The following ADCY9 variants were observed in gnomAD, a reference collection of about 807,000 sequenced individuals.
ADCY9 encodes adenylate cyclase 9, also known as adenylate cyclase type 9.
A neutral mutation model predicts 101.5 loss-of-function variants in ADCY9; 50 were observed. The ratio of observed to expected loss-of-function variants is 0.49; its 90% CI spans 0.39 to 0.62. The LOEUF is 0.62. Among genes scored for constraint, ADCY9 ranks in the 20% least tolerant of loss-of-function variants. ADCY9 has a pLI of 0.00. For missense variants in ADCY9, 1,662 were observed against 1,800.4 expected, an observed-to-expected ratio of 0.92 and a Z score of 1.39; for synonymous variants, 905 against 769.3, an observed-to-expected ratio of 1.18 and a Z score of -2.92.
At chr16:3,969,614 T>TATATATATATATGCGTA (rs1567414929) in intron 10 of ADCY9, among the ~76,000 whole-genome samples, 1 of 50,720 alleles carries the variant, frequency 2.0e-5, no homozygotes. Context: ...ATATATGTAT[T>TATATATATATATGCGTA]TTTTTTTTTT....
intron 2 of ADCY9, among the ~76,000 whole-genome samples, chr16:4,044,950 T>C (rs2141142331): frequency 6.6e-6 from 1 of 152,264 alleles, no homozygotes; most frequent in South Asian, 2.1e-4. Flanking sequence ...TGCCAACTCT[T>C]TACGAGATGA....
chr16:4,029,062 C>A (rs556087112), intron 2 of ADCY9, among the ~76,000 whole-genome samples: 4 of 152,110 alleles, frequency 2.6e-5, no homozygotes, highest in Admixed American at 2.6e-4. Flanking sequence ...GGATTACAGA[C>A]GTGAGCCACT....
At position 3,966,234 on chromosome 16, in the gene ADCY9, G is replaced by A. The variant is rs746320046; in HGVS notation, c.3603C>T (p.Gly1201=). 8 of 1,614,058 alleles carry A rather than the reference G, an allele frequency of 5.0e-6. No homozygotes were observed. Among genetic ancestry groups the A allele is most frequent in the East Asian group, 2.2e-5 (1 of 44,890 alleles). The change falls in exon 11 of 11, where the codon GGC becomes GGT. Residue 1201 remains glycine (G), a synonymous_variant. Transcript: ENST00000294016. ...CGCTCACCTGGATGCGGCACTCCACGCCGGTGGTGTCCATCCTGCTGGCGA... is the reference window on the plus strand; with the variant it reads ...CGCTCACCTGGATGCGGCACTCCACACCGGTGGTGTCCATCCTGCTGGCGA... ...VNIASRMDTT[G]VECRIQVSEE...
intron 2 of ADCY9, among the ~76,000 whole-genome samples, chr16:4,104,732 C>T (rs1432997859): frequency 6.6e-6 from 1 of 152,178 alleles, no homozygotes; most frequent in African/African-American, 2.4e-5. Context: ...AGATTTTCTA[C>T]ACATTTTTCA....
At chr16:3,957,546 T>C (rs1418282580) in intron 5 of ADCY9, among the ~76,000 whole-genome samples, 1 of 151,998 alleles carries the variant, frequency 6.6e-6, no homozygotes, top group Non-Finnish European at 1.5e-5. Flanking sequence ...CGTGGCATCC[T>C]GGGGCTTGAG....
chr16:3,979,339 A>T (rs3730131), intron 7 of ADCY9, 64 bp from the exon 8 acceptor site: 2 of 1,582,952 alleles, frequency 1.3e-6, no homozygotes, highest in African/African-American at 1.3e-5. Context: ...GCCAGGAGAC[A>T]GGTGCGAGGC....
At chr16:3,959,608 G>A (rs1365726675), downstream of ADCY9, among the ~76,000 whole-genome samples, 3 of 152,144 alleles carry the variant, frequency 2.0e-5, no homozygotes, top group African/African-American at 7.2e-5. Context: ...CTGGCTGGAT[G>A]TTACTTATCT....
chr16:4,039,753 T>C lies in ADCY9; in HGVS notation c.1694-32195A>G, dbSNP rs569343086. 3.3e-5 allele frequency among the ~76,000 whole-genome samples: 5 copies of C among 149,820 alleles called. No homozygotes were observed. In the South Asian group the frequency reaches 8.4e-4, roughly 25 times the overall value. On this transcript the variant is annotated intron_variant, in intron 2 of 10. Coordinates refer to ENST00000294016, the MANE Select transcript of ADCY9 (RefSeq NM_001116.4). ...ATTTTACTTTTGCTGAAAGGAACAA[T>C]TGAGGTCAGGTGCAGGGACTCACGC...
At chr16:4,016,412 A>T (rs868820918) in intron 2 of ADCY9, among the ~76,000 whole-genome samples, 2 of 152,240 alleles carry the variant, frequency 1.3e-5, no homozygotes, top group Admixed American at 6.5e-5. Flanking sequence ...AATGCACCAG[A>T]TGCCACAGAC....
rs185051497 is a variant in ADCY9 at position 4,063,972 on chromosome 16, T to C, written c.1693+49778A>G. Among the ~76,000 whole-genome samples, 1,083 of 152,238 alleles carry C rather than the reference T, an allele frequency of 7.1e-3. 15 individuals are homozygous for C. Among genetic ancestry groups the C allele is most frequent in the African/African-American group, 0.025 (1,031 of 41,548 alleles). On this transcript the variant is annotated intron_variant, in intron 2 of 10. Coordinates refer to ENST00000294016, the MANE Select transcript of ADCY9 (RefSeq NM_001116.4). ...AGAACAATAAGGCAGGAAAAAGAAA[T>C]TTAAAAGACACAGATTGGAAAACAA... is the stretch of plus-strand genomic sequence containing the variant.
At chr16:3,993,901 G>T (rs974951772) in intron 3 of ADCY9, among the ~76,000 whole-genome samples, 1 of 152,128 alleles carries the variant, frequency 6.6e-6, no homozygotes, top group Non-Finnish European at 1.5e-5. Context: ...GATATTACGT[G>T]ATCCCGTCTA....
intron 3 of ADCY9, among the ~76,000 whole-genome samples, chr16:4,001,178 C>T (rs1463309534): frequency 6.6e-6 from 1 of 152,112 alleles, no homozygotes; most frequent in Non-Finnish European, 1.5e-5. Context: ...TTCTGATGTC[C>T]CCAGTTTCCG....
At chr16:4,105,875 C>T (rs2057073894) in intron 2 of ADCY9, among the ~76,000 whole-genome samples, 2 of 152,098 alleles carry the variant, frequency 1.3e-5, no homozygotes, top group South Asian at 4.2e-4. Context: ...CCTACAGAAA[C>T]AACAATTTCT....
At chr16:4,037,211 G>A (rs1420998272) in intron 2 of ADCY9, among the ~76,000 whole-genome samples, 9 of 152,094 alleles carry the variant, frequency 5.9e-5, no homozygotes, top group East Asian at 1.9e-4. Flanking sequence ...CCAACTACTC[G>A]TGTGGCTGAG....
Position 3,966,383 on chromosome 16 carries a change from A to G in ADCY9, c.3454T>C (p.Phe1152Leu). The G allele has an allele frequency of 6.2e-7, 1 of 1,614,104 alleles. No individual in the cohort carries two copies. The highest frequency in any genetic ancestry group is 8.5e-7 in the Non-Finnish European group (1 of 1,180,032). ...AKEMMRVVDD[F>L]NNNMLWFNFK... ...TTGAACCACAGCATGTTGTTGTTGA[A>G]GTCGTCCACCACGCGCATCATCTCC... Residue 1152 changes from phenylalanine to leucine, a missense_variant, in exon 11 of 11, where the codon TTC (phenylalanine) becomes CTC (leucine). Transcript: ENST00000294016.
At chr16:4,067,220 G>T (rs1193807673) in intron 2 of ADCY9, among the ~76,000 whole-genome samples, 8 of 152,088 alleles carry the variant, frequency 5.3e-5, no homozygotes, top group African/African-American at 1.9e-4. Context: ...TAAACAGATT[G>T]AAATAATATT....
intron 2 of ADCY9, among the ~76,000 whole-genome samples, chr16:4,016,382 T>C (rs565563814): frequency 6.6e-6 from 1 of 152,244 alleles, no homozygotes; most frequent in African/African-American, 2.4e-5. Flanking sequence ...TCACCTTTTA[T>C]TTGTGAAATG....
intron 2 of ADCY9, among the ~76,000 whole-genome samples, chr16:4,073,457 G>A (rs543841730): frequency 1.1e-4 from 16 of 150,728 alleles, no homozygotes; most frequent in East Asian, 9.8e-4. Flanking sequence ...ATGCAATGGC[G>A]CGATCTCAGC....
At chr16:4,075,279 C>T (rs2056859844) in intron 2 of ADCY9, among the ~76,000 whole-genome samples, 1 of 152,218 alleles carries the variant, frequency 6.6e-6, no homozygotes, top group East Asian at 1.9e-4. Context: ...GCTGGGATTA[C>T]AGGCATGTGC....
Sources: allele counts gnomAD v4.1 joint callset (sites outside exome capture counted in the v4.1 genomes callset), GRCh38; gene constraint gnomAD v4.1.1; transcripts MANE v1.5; gene names NCBI Gene and HGNC (gene_info 2026-07-23, HGNC 2026-07-21).